PLSCR4: variants seen among roughly 807,000 people sequenced by gnomAD.
PLSCR4 encodes phospholipid scramblase 4.
Under a neutral mutation model 36.3 loss-of-function variants are expected in PLSCR4, and 25 were observed. The observed-to-expected ratio is 0.69, with a 90% CI of 0.50 to 0.96. PLSCR4 has a LOEUF of 0.96. Among genes scored for constraint, PLSCR4 ranks in the 40% least tolerant of loss-of-function variants. The pLI is 0.00. For missense variants in PLSCR4, 408 were observed against 414.7 expected, an observed-to-expected ratio of 0.98 and a Z score of 0.14; for synonymous variants, 122 against 132.9, an observed-to-expected ratio of 0.92 and a Z score of 0.56.
At chr3:146,205,374 T>C (rs2034270017) in intron 4 of PLSCR4, among the ~76,000 whole-genome samples, 3 of 152,012 alleles carry the variant, frequency 2.0e-5, no homozygotes, top group African/African-American at 7.2e-5. Context: ...CTATAGATCT[T>C]AGTAACCTTA....
chr3:146,195,394 T>C, intron 7 of PLSCR4, 112 bp from the exon 8 acceptor site: 1 of 876,724 alleles, frequency 1.1e-6, no homozygotes, highest in South Asian at 1.8e-5. Context: ...ACTATGTAAT[T>C]ATATAATTTG....
intron 2 of PLSCR4, among the ~76,000 whole-genome samples, chr3:146,221,863 C>CT (rs921161244): frequency 6.6e-6 from 1 of 151,848 alleles, no homozygotes; most frequent in Non-Finnish European, 1.5e-5. Flanking sequence ...CCTTTTTAAT[C>CT]TTTTTCTGAC....
intron 1 of PLSCR4, among the ~76,000 whole-genome samples, chr3:146,229,885 A>C (rs1439010843): frequency 6.6e-6 from 1 of 152,092 alleles, no homozygotes; most frequent in Non-Finnish European, 1.5e-5. Flanking sequence ...CAGCCTCCCA[A>C]AGTGCTGGGA....
At chr3:146,208,565 A>G (rs1371598750) in intron 3 of PLSCR4, among the ~76,000 whole-genome samples, 1 of 152,200 alleles carries the variant, frequency 6.6e-6, no homozygotes, top group Non-Finnish European at 1.5e-5. Context: ...ACAAATTAGC[A>G]AGAAAATACA....
chr3:146,206,546 C>T lies in PLSCR4; in HGVS notation c.334G>A (p.Gly112Ser), dbSNP rs753589319. ...AGTACCTGAACTAAGTATTCCAGACCAGGAGGGCAGTTTGCCATAGGAGTT... is the reference window on the plus strand; with the variant it reads ...AGTACCTGAACTAAGTATTCCAGACTAGGAGGGCAGTTTGCCATAGGAGTT... ...GPTPMANCPP[G>S]LEYLVQLDNI... is the part of the protein sequence containing the mutation. Residue 112 changes from glycine (G) to serine (S), a missense_variant, in exon 4 of 9, where the codon GGT (glycine) becomes AGT (serine). By Grantham distance (56) the Gly-to-Ser change is moderately conservative. Coordinates refer to ENST00000354952, the MANE Select transcript of PLSCR4 (RefSeq NM_020353.3). 1.9e-6 allele frequency: 3 copies of T among 1,611,660 alleles called. No homozygotes were observed. Among genetic ancestry groups the T allele is most frequent in the Non-Finnish European group, 2.5e-6 (3 of 1,178,050 alleles).
chr3:146,221,930 C>G (rs146594826), intron 2 of PLSCR4, 135 bp downstream of exon 2: 2 of 428,652 alleles, frequency 4.7e-6, no homozygotes, highest in South Asian at 4.3e-5. Context: ...TATATATATG[C>G]AAACACACAC....
chr3:146,223,313 G>C (rs554913532), intron 1 of PLSCR4, among the ~76,000 whole-genome samples: 1 of 152,246 alleles, frequency 6.6e-6, no homozygotes, highest in South Asian at 2.1e-4. Flanking sequence ...TGAGTTCTGA[G>C]TAATGACAAA....
intron 6 of PLSCR4, among the ~76,000 whole-genome samples, chr3:146,197,266 C>T (rs1372656179): frequency 6.6e-6 from 1 of 152,078 alleles, no homozygotes; most frequent in East Asian, 1.9e-4. Flanking sequence ...TCAGAAAGAA[C>T]AATTTTCTCA....
chr3:146,225,724 G>C (rs1021551812), intron 1 of PLSCR4, among the ~76,000 whole-genome samples: 4 of 152,310 alleles, frequency 2.6e-5, no homozygotes, highest in African/African-American at 2.4e-5. Context: ...CGACTGCTCC[G>C]AGTGTGGGGC....
intron 1 of PLSCR4, among the ~76,000 whole-genome samples, chr3:146,244,180 T>C (rs2036258937): frequency 6.6e-6 from 1 of 152,200 alleles, no homozygotes; most frequent in African/African-American, 2.4e-5. Flanking sequence ...GAGATACTGA[T>C]ACCTTTGCTT....
At chr3:146,206,486 C>G (rs774933673) in intron 4 of PLSCR4, 40 bp downstream of exon 4, 4 of 1,458,160 alleles carry the variant, frequency 2.7e-6, no homozygotes, top group Non-Finnish European at 2.9e-6. Flanking sequence ...TCCCTATGGT[C>G]ACATTTCATA....
At chr3:146,197,547 T>C (rs992879068) in intron 6 of PLSCR4, among the ~76,000 whole-genome samples, 2 of 152,142 alleles carry the variant, frequency 1.3e-5, no homozygotes, top group Non-Finnish European at 1.5e-5. Flanking sequence ...AAATTATATA[T>C]TGTGAAAACA....
At position 146,213,010 on chromosome 3, in the gene PLSCR4, T is replaced by C. The variant is rs867388010; in HGVS notation, c.119-6249A>G. On this transcript the variant is annotated intron_variant, in intron 3 of 8. Coordinates refer to ENST00000354952, the MANE Select transcript of PLSCR4 (RefSeq NM_020353.3). Reference sequence around the variant, plus strand: ...TACTATATTTTATTAATATAGTACATACATTGATGTGTTTTAATATGATAT... The same window carrying C: ...TACTATATTTTATTAATATAGTACACACATTGATGTGTTTTAATATGATAT... Among the ~76,000 whole-genome samples the C allele has an allele frequency of 1.1e-4, 16 of 152,310 alleles. No individual in the cohort carries two copies. In the Middle Eastern group the frequency reaches 0.01, roughly 97 times the overall value.
At chr3:146,229,641 A>ATTTATTTATTTATTTATTTATTTT (rs372274251) in intron 1 of PLSCR4, among the ~76,000 whole-genome samples, 1 of 132,882 alleles carries the variant, frequency 7.5e-6, no homozygotes, top group African/African-American at 3.0e-5. Context: ...TTATTTATTT[A>ATTTATTTATTTATTTATTTATTTT]TGAGATGGAG....
chr3:146,209,720 G>C (rs1005808875), intron 3 of PLSCR4, among the ~76,000 whole-genome samples: 1 of 151,956 alleles, frequency 6.6e-6, no homozygotes, highest in Admixed American at 6.6e-5. Context: ...ACTGGGTCTT[G>C]GTTGTCTACC....
intron 1 of PLSCR4, among the ~76,000 whole-genome samples, chr3:146,249,273 C>A (rs2036460498): frequency 6.6e-6 from 1 of 152,036 alleles, no homozygotes; most frequent in African/African-American, 2.4e-5. Flanking sequence ...TTTTAGGCTG[C>A]ATATGTTTAG....
chr3:146,237,049 A>G (rs1030079749), intron 1 of PLSCR4, among the ~76,000 whole-genome samples: 1 of 151,814 alleles, frequency 6.6e-6, no homozygotes, highest in African/African-American at 2.4e-5. Flanking sequence ...AAAAAAGAAA[A>G]GAAAAAAAAG....
chr3:146,215,969 G>A (rs1231447996), intron 3 of PLSCR4, among the ~76,000 whole-genome samples: 3 of 152,140 alleles, frequency 2.0e-5, no homozygotes, highest in African/African-American at 4.8e-5. Flanking sequence ...TGTGGCTCAC[G>A]CCTGTAATCC....
chr3:146,216,785 G>A (rs2034912911), intron 3 of PLSCR4, among the ~76,000 whole-genome samples: 1 of 152,136 alleles, frequency 6.6e-6, no homozygotes, highest in Non-Finnish European at 1.5e-5. Context: ...ACACTGGATT[G>A]GCATCTCTAG....
Sources: gnomAD v4.1 joint callset for allele counts (sites outside exome capture counted in the v4.1 genomes callset) on GRCh38, gnomAD v4.1.1 for gene constraint, MANE v1.5 for transcripts, NCBI Gene and HGNC (gene_info 2026-07-23, HGNC 2026-07-21) for gene names.